Variants in FAM89A observed in about 807,000 individuals in gnomAD.
The protein encoded by FAM89A is family with sequence similarity 89 member A, also known as protein FAM89A.
In FAM89A, 10 loss-of-function variants were observed where a neutral mutation model predicts 7.1. The ratio of observed to expected loss-of-function variants is 1.40; its 90% CI spans 0.86 to 2.38. FAM89A has a LOEUF of 2.38. FAM89A is among the 30% of genes most tolerant of loss of function. FAM89A has a pLI of 0.00. For synonymous variants in FAM89A, 157 were observed against 129.3 expected, an observed-to-expected ratio of 1.21 and a Z score of -1.45; for missense variants, 276 against 262.8, an observed-to-expected ratio of 1.05 and a Z score of -0.35.
At chr1:231,038,243 C>T (rs1053527738) in intron 1 of FAM89A, among the ~76,000 whole-genome samples, 1 of 152,172 alleles carries the variant, frequency 6.6e-6, no homozygotes, top group African/African-American at 2.4e-5. Context: ...TTCAAATAGG[C>T]TTACAGAGAG....
intron 1 of FAM89A, among the ~76,000 whole-genome samples, chr1:231,020,613 C>T (rs1341002594): frequency 3.3e-5 from 5 of 152,180 alleles, no homozygotes; most frequent in South Asian, 2.1e-4. Context: ...AGCTGGCCAA[C>T]GTGACATCCC....
chr1:231,029,078 A>G (rs1680024704), intron 1 of FAM89A, among the ~76,000 whole-genome samples: 1 of 152,368 alleles, frequency 6.6e-6, no homozygotes, highest in African/African-American at 2.4e-5. Context: ...AGCAAGGACA[A>G]TAGAAATATG....
At chr1:231,038,686 T>G (rs575341272) in intron 1 of FAM89A, among the ~76,000 whole-genome samples, 218 of 152,350 alleles carry the variant, frequency 1.4e-3, no homozygotes, top group Middle Eastern at 3.4e-3. Flanking sequence ...CAATGCCAGC[T>G]ACAGAGTAGG....
chr1:231,022,537 T>A (rs4317791), intron 1 of FAM89A, among the ~76,000 whole-genome samples: 8,242 of 152,158 alleles, frequency 0.054, 252 homozygotes, highest in Middle Eastern at 0.1. Flanking sequence ...CCACCTTTTG[T>A]CCCAAGTGTC....
chr1:231,029,937 T>C (rs1036199375), intron 1 of FAM89A, among the ~76,000 whole-genome samples: 7 of 152,242 alleles, frequency 4.6e-5, no homozygotes, highest in Non-Finnish European at 8.8e-5. Context: ...TGATTTCTGA[T>C]AAAAGATATG....
At chr1:231,022,536 G>T (rs1679899334) in intron 1 of FAM89A, among the ~76,000 whole-genome samples, 1 of 152,052 alleles carries the variant, frequency 6.6e-6, no homozygotes, top group African/African-American at 2.4e-5. Flanking sequence ...ACCACCTTTT[G>T]TCCCAAGTGT....
rs962474996 is a variant in FAM89A, at chr1:231,039,764, A to G, written c.291+157T>C. 2.0e-5 allele frequency among the ~76,000 whole-genome samples: 3 copies of G among 151,990 alleles called. No homozygotes were observed. In the East Asian group the frequency reaches 5.9e-4, roughly 30 times the overall value. Reference sequence around the variant, plus strand: ...CGTGGGCACGGAGCACGCGAGAAAAATGGGGGTCGTTGGGAGGACGGCGCC... The same window carrying G: ...CGTGGGCACGGAGCACGCGAGAAAAGTGGGGGTCGTTGGGAGGACGGCGCC... On this transcript the variant is annotated intron_variant, in intron 1 of 1. Coordinates refer to ENST00000366654, the MANE Select transcript of FAM89A (RefSeq NM_198552.3).
intron 1 of FAM89A, chr1:231,028,768 T>G (rs35843331): frequency 0.67 from 101,204 of 152,168 alleles, 33,861 homozygotes; most frequent in Admixed American, 0.7. Flanking sequence ...CGCTCTCTGC[T>G]CAGGCTTCCT....
At chr1:231,021,266 G>C (rs1679872263) in intron 1 of FAM89A, among the ~76,000 whole-genome samples, 1 of 152,214 alleles carries the variant, frequency 6.6e-6, no homozygotes, top group Non-Finnish European at 1.5e-5. Flanking sequence ...TGGCAAAATG[G>C]AACAATAATT....
intron 1 of FAM89A, among the ~76,000 whole-genome samples, chr1:231,030,921 A>T (rs1023368224): frequency 2.6e-5 from 4 of 152,124 alleles, no homozygotes; most frequent in African/African-American, 9.7e-5. Flanking sequence ...ACCAGCCTGG[A>T]CAACATGGCA....
chr1:231,019,441 T>G lies in FAM89A; in HGVS notation c.*422A>C. 1 of 160,022 alleles carries G rather than the reference T, an allele frequency of 6.2e-6. No individual in the cohort carries two copies. Among genetic ancestry groups the G allele is most frequent in the Admixed American group, 5.9e-5 (1 of 16,882 alleles). The allele number at this position is 160,022 out of a possible 1,614,324, so 9.9% of individuals were successfully genotyped here. A position where few individuals can be genotyped will look rare whatever the true frequency, so the allele number is the denominator to read the frequency against. On this transcript the variant is annotated 3_prime_UTR_variant, in exon 2 of 2. Transcript: ENST00000366654. ...AGGAAGGGAAGCAGTGAAATGGTGG[T>G]TTTAATACATCCCAAACTGGAAGCA...
intron 1 of FAM89A, among the ~76,000 whole-genome samples, chr1:231,020,607 G>A (rs1317421429): frequency 6.6e-6 from 1 of 152,142 alleles, no homozygotes; most frequent in African/African-American, 2.4e-5. Context: ...GACAGCAGCT[G>A]GCCAACGTGA....
intron 1 of FAM89A, among the ~76,000 whole-genome samples, chr1:231,031,501 C>T (rs1392205414): frequency 6.6e-6 from 1 of 152,176 alleles, no homozygotes; most frequent in Non-Finnish European, 1.5e-5. Flanking sequence ...ATAAATTATG[C>T]AGGATCTTCC....
At chr1:231,024,914 CTTTTTTTTTTTTTTT>C (rs60500715) in intron 1 of FAM89A, among the ~76,000 whole-genome samples, 3 of 63,410 alleles carry the variant, frequency 4.7e-5, no homozygotes, top group African/African-American at 1.9e-4. Flanking sequence ...CACAACTACT[CTTTTTTTTTTTTTTT>C]TTTTTTTTTT....
intron 1 of FAM89A, 69 bp from the exon 2 acceptor site, chr1:231,020,195 C>T (rs1679849288): frequency 1.4e-6 from 2 of 1,469,508 alleles, no homozygotes; most frequent in East Asian, 4.8e-5. Context: ...GTGGAACACT[C>T]AGCCGGCGAT....
chr1:231,021,958 C>G, intron 1 of FAM89A: 1 of 1,408,726 alleles, frequency 7.1e-7, no homozygotes, highest in Non-Finnish European at 1.0e-6. Flanking sequence ...CCAGAAACAC[C>G]AGGGATGAGG....
chr1:231,024,944 A>C (rs1679939268), intron 1 of FAM89A, among the ~76,000 whole-genome samples: 1 of 100,536 alleles, frequency 9.9e-6, no homozygotes, highest in Admixed American at 1.3e-4. Context: ...TTTTTTTGAG[A>C]CAGAGTCTTG....
At chr1:231,029,300 G>A (rs1021611878) in intron 1 of FAM89A, among the ~76,000 whole-genome samples, 2 of 152,124 alleles carry the variant, frequency 1.3e-5, no homozygotes, top group Admixed American at 6.5e-5. Context: ...GCCAGCCTGG[G>A]CAAGATGACG....
intron 1 of FAM89A, chr1:231,026,261 A>G (rs1023462213): frequency 2.6e-5 from 4 of 153,272 alleles, no homozygotes; most frequent in African/African-American, 9.7e-5. Flanking sequence ...GAGGTGGTAC[A>G]TGAGAAGGAA....
Sources: gnomAD v4.1 joint callset for allele counts (sites outside exome capture counted in the v4.1 genomes callset) on GRCh38, gnomAD v4.1.1 for gene constraint, MANE v1.5 for transcripts, NCBI Gene and HGNC (gene_info 2026-07-23, HGNC 2026-07-21) for gene names.